UBASH3B: variants seen among roughly 807,000 people sequenced by gnomAD.
The protein encoded by UBASH3B is ubiquitin-associated and SH3 domain-containing protein B.
UBASH3B carries 37 observed loss-of-function variants against 83.4 expected under a neutral mutation model. The observed-to-expected ratio is 0.44, with a 90% CI of 0.34 to 0.58. The LOEUF (loss-of-function observed/expected upper bound fraction) is 0.58. Among genes scored for constraint, UBASH3B ranks in the 20% least tolerant of loss-of-function variants. The probability of loss-of-function intolerance (pLI) is 0.01; values close to 1 mark genes in which losing one functional copy is unlikely to be tolerated. For synonymous variants in UBASH3B, 304 were observed against 318.3 expected, an observed-to-expected ratio of 0.96 and a Z score of 0.48; for missense variants, 657 against 827.2, an observed-to-expected ratio of 0.79 and a Z score of 2.52.
intron 1 of UBASH3B, among the ~76,000 whole-genome samples, chr11:122,683,360 A>G (rs1863767489): frequency 6.6e-6 from 1 of 152,084 alleles, no homozygotes; most frequent in Non-Finnish European, 1.5e-5. Context: ...CATACCTGTA[A>G]TCCCAGCAGT....
chr11:122,692,157 A>T (rs1408438357), intron 1 of UBASH3B, among the ~76,000 whole-genome samples: 1 of 152,190 alleles, frequency 6.6e-6, no homozygotes, highest in Non-Finnish European at 1.5e-5. Context: ...CAAGATGGGG[A>T]TAATTAAATT....
At chr11:122,805,054 G>GCTGA (rs1354322827) in intron 11 of UBASH3B, among the ~76,000 whole-genome samples, 1 of 152,196 alleles carries the variant, frequency 6.6e-6, no homozygotes, top group Non-Finnish European at 1.5e-5. Flanking sequence ...TTTTCACGCT[G>GCTGA]CTGACAAAGA....
chr11:122,809,671 A>G, intron 13 of UBASH3B, 78 bp from the exon 14 acceptor site: 2 of 1,492,634 alleles, frequency 1.3e-6, no homozygotes, highest in Non-Finnish European at 1.8e-6. Flanking sequence ...GGCCACATGA[A>G]TATCTTTGTA....
intron 1 of UBASH3B, among the ~76,000 whole-genome samples, chr11:122,767,261 C>T (rs1226751614): frequency 5.2e-5 from 3 of 57,560 alleles, no homozygotes; most frequent in South Asian, 4.2e-4. Flanking sequence ...AGCAAGACTC[C>T]GTCTCAAAAA....
chr11:122,706,250 G>C (rs1277774884), intron 1 of UBASH3B, among the ~76,000 whole-genome samples: 2 of 151,696 alleles, frequency 1.3e-5, no homozygotes, highest in Admixed American at 6.6e-5. Context: ...CAAGTAGCTG[G>C]GATTACAGGC....
At chr11:122,755,663 C>T (rs1861271443) in intron 1 of UBASH3B, among the ~76,000 whole-genome samples, 1 of 152,128 alleles carries the variant, frequency 6.6e-6, no homozygotes, top group Admixed American at 6.6e-5. Flanking sequence ...AAGGAGGAAG[C>T]AAGGCAGGGA....
chr11:122,730,783 C>T lies in UBASH3B; in HGVS notation c.162-45436C>T, dbSNP rs12282467. ...GCTCATTTTGTATTTTTAGTAGAGG[C>T]GGGATTTCTCTATGTTGGTCAGACT... On this transcript the variant is annotated intron_variant, in intron 1 of 13. Transcript: ENST00000284273. Among the ~76,000 whole-genome samples, 1,367 of 151,980 alleles carry T rather than the reference C, an allele frequency of 9.0e-3. 20 individuals carry two copies. The highest frequency in any genetic ancestry group is 0.031 in the African/African-American group (1,282 of 41,472).
rs1861417559 is a variant in UBASH3B, at chr11:122,810,193, G to C, written c.*307G>C. 2 of 237,202 alleles carry C rather than the reference G, an allele frequency of 8.4e-6. No individual in the cohort carries two copies. Among genetic ancestry groups the C allele is most frequent in the Non-Finnish European group, 1.6e-5 (2 of 122,184 alleles). The allele number at this position is 237,202 out of a possible 1,614,324, so 14.7% of individuals were successfully genotyped here. The stretch of plus-strand genomic sequence containing the variant: ...CCCTCTGGGTATGCACAGCTAAGGG[G>C]CCTCATTTCTCCCAGAGGGAGCTGC... On this transcript the variant is annotated 3_prime_UTR_variant, in exon 14 of 14. Coordinates refer to ENST00000284273, the MANE Select transcript of UBASH3B (RefSeq NM_032873.5).
At chr11:122,685,066 C>T (rs1482343166) in intron 1 of UBASH3B, among the ~76,000 whole-genome samples, 3 of 152,204 alleles carry the variant, frequency 2.0e-5, no homozygotes, top group Non-Finnish European at 4.4e-5. Flanking sequence ...TGCCCCCCGG[C>T]AAGAGGAAAA....
At position 122,758,243 on chromosome 11, in the gene UBASH3B, C is replaced by T. The variant is rs572317866; in HGVS notation, c.162-17976C>T. Among the ~76,000 whole-genome samples the T allele has an allele frequency of 5.3e-5, 8 of 152,200 alleles. No individual in the cohort carries two copies. The highest frequency in any genetic ancestry group is 8.8e-5 in the Non-Finnish European group (6 of 68,042). ...GCTAGAGAGTTTTGGACCCCTCTCACTTCCTGGCGTGTTTGGTCAAGTCCC... is the reference window on the plus strand; with the variant it reads ...GCTAGAGAGTTTTGGACCCCTCTCATTTCCTGGCGTGTTTGGTCAAGTCCC... On this transcript the variant is annotated intron_variant, in intron 1 of 13. Coordinates refer to ENST00000284273, the MANE Select transcript of UBASH3B (RefSeq NM_032873.5). This position sits in a 1 kb window ranked among gnomAD's most constrained non-coding sequence, Gnocchi z 4.2.
At position 122,704,441 on chromosome 11, in the gene UBASH3B, C is replaced by G. The variant is rs1864088830; in HGVS notation, c.161+48231C>G. On this transcript the variant is annotated intron_variant, in intron 1 of 13. Transcript: ENST00000284273. The stretch of plus-strand genomic sequence containing the variant: ...TTAGTTGCAGAAGATAAGCGAATTC[C>G]CCGAGTGTCAGGTTGGTGGCGTGTT... 2.0e-5 allele frequency among the ~76,000 whole-genome samples: 3 copies of G among 152,144 alleles called. No individual in the cohort carries two copies. In the South Asian group the frequency reaches 6.2e-4, roughly 32 times the overall value.
intron 7 of UBASH3B, 101 bp from the exon 8 acceptor site, chr11:122,796,055 G>T: frequency 6.6e-7 from 1 of 1,506,774 alleles, no homozygotes; most frequent in Non-Finnish European, 9.1e-7. Flanking sequence ...TCATACCTTG[G>T]CAGAACTTTG....
chr11:122,785,092 T>C (rs1315472777), intron 5 of UBASH3B, among the ~76,000 whole-genome samples: 7 of 152,166 alleles, frequency 4.6e-5, no homozygotes, highest in Non-Finnish European at 1.5e-5. Context: ...TAATCAACAC[T>C]GCCCTCCAGT....
At chr11:122,773,212 A>G (rs1402325086) in intron 1 of UBASH3B, among the ~76,000 whole-genome samples, 1 of 152,242 alleles carries the variant, frequency 6.6e-6, no homozygotes, top group Non-Finnish European at 1.5e-5. Context: ...TGGGTGGACC[A>G]TGGAGGTGGG....
chr11:122,675,631 T>G (rs981976158), intron 1 of UBASH3B, among the ~76,000 whole-genome samples: 3 of 152,218 alleles, frequency 2.0e-5, no homozygotes, highest in Non-Finnish European at 4.4e-5. Context: ...TGCAATTTAG[T>G]TCTTCAAAGC....
rs554871403 is a variant in UBASH3B, at chr11:122,708,906, T to C, written c.161+52696T>C. On this transcript the variant is annotated intron_variant, in intron 1 of 13. Transcript: ENST00000284273. Reference sequence around the variant, plus strand: ...AGCCAGTGTTCAGTACATGGTCATTTCCCATCACCTTCCCTTAATGCAGAA... The same window carrying C: ...AGCCAGTGTTCAGTACATGGTCATTCCCCATCACCTTCCCTTAATGCAGAA... Among the ~76,000 whole-genome samples the C allele has an allele frequency of 9.2e-5, 14 of 152,278 alleles. No homozygotes were observed. In the South Asian group the frequency reaches 1.7e-3, roughly 18 times the overall value.
chr11:122,670,435 GATGTAC>G (rs1416610407), intron 1 of UBASH3B, among the ~76,000 whole-genome samples: 4 of 152,158 alleles, frequency 2.6e-5, no homozygotes, highest in Non-Finnish European at 5.9e-5. Flanking sequence ...TGATCAAACT[GATGTAC>G]ATTCAAATTC....
chr11:122,656,122 CG>C lies in UBASH3B; in HGVS notation c.75del (p.Arg26GlyfsTer75). 1.3e-6 allele frequency: 2 copies of C among 1,598,488 alleles called. No individual in the cohort carries two copies. The highest frequency in any genetic ancestry group is 1.7e-6 in the Non-Finnish European group (2 of 1,173,742). Reference sequence around the variant, plus strand: ...GGAGCTGTACAGCAAAGTCACCCCCCGGAGGAACCGCCAACAGCGCCCCGGC... The same window carrying C: ...GGAGCTGTACAGCAAAGTCACCCCCCGAGGAACCGCCAACAGCGCCCCGGC... ...REELYSKVTP[R>X]RNRQQRPGTI... On this transcript the variant is annotated frameshift_variant, in exon 1 of 14. Transcript: ENST00000284273. LOFTEE classifies it high-confidence loss of function.
intron 3 of UBASH3B, among the ~76,000 whole-genome samples, chr11:122,777,966 G>A (rs1426322930): frequency 6.6e-6 from 1 of 152,158 alleles, no homozygotes; most frequent in African/African-American, 2.4e-5. Context: ...TTCACCTCAA[G>A]TGATCCGCCC....
Sources: allele counts gnomAD v4.1 joint callset (sites outside exome capture counted in the v4.1 genomes callset), GRCh38; gene constraint gnomAD v4.1.1; non-coding constraint Gnocchi (gnomAD v3.1); transcripts MANE v1.5; gene names NCBI Gene and HGNC (gene_info 2026-07-23, HGNC 2026-07-21).